The following PTDSS2 variants were observed in gnomAD, a reference collection of about 807,000 sequenced individuals.
PTDSS2 encodes PSS-2.
A neutral mutation model predicts 64.7 loss-of-function variants in PTDSS2; 41 were observed. The ratio of observed to expected loss-of-function variants is 0.63; its 90% CI spans 0.49 to 0.82. PTDSS2 has a LOEUF of 0.82. Ranked by LOEUF, PTDSS2 falls within the 40% of genes least tolerant of loss-of-function variation. The pLI is 0.00. For missense variants in PTDSS2, 485 were observed against 650.0 expected (o/e 0.75, Z 2.76); for synonymous variants, 297 against 277.8 (o/e 1.07, Z -0.69).
In PTDSS2 at chr11:487,505, G is replaced by A. The variant is rs369866668; in HGVS notation, c.621+35G>A. 2.6e-4 allele frequency: 415 copies of A among 1,601,396 alleles called. 5 individuals are homozygous for A. The highest frequency in any genetic ancestry group is 1.0e-3 in the South Asian group (91 of 90,868). ...CTCCTCTTCCCGGCCTCCCCGCCCCGGTTCTGAGGCCTGCCGTGGGCTCTG... is the reference window on the plus strand; with the variant it reads ...CTCCTCTTCCCGGCCTCCCCGCCCCAGTTCTGAGGCCTGCCGTGGGCTCTG... On this transcript the variant is annotated intron_variant, in intron 6 of 11. Coordinates refer to ENST00000308020, the MANE Select transcript of PTDSS2 (RefSeq NM_030783.3).
chr11:466,984 G>C (rs1261704821), intron 2 of PTDSS2, among the ~76,000 whole-genome samples: 1 of 152,056 alleles, frequency 6.6e-6, no homozygotes, highest in East Asian at 1.9e-4. Context: ...GAGCCCGGGA[G>C]GTCAAGGCTG....
At chr11:484,752 C>T (rs1338269360) in intron 4 of PTDSS2, among the ~76,000 whole-genome samples, 2 of 137,902 alleles carry the variant, frequency 1.5e-5, no homozygotes, top group African/African-American at 5.7e-5. Context: ...TGTGCGCAGG[C>T]GAGTGTAAGT....
chr11:490,669 C>T lies in PTDSS2; in HGVS notation c.*87C>T, dbSNP rs549691018. The T allele has an allele frequency of 6.1e-5, 83 of 1,369,292 alleles. No individual in the cohort carries two copies. Among genetic ancestry groups the T allele is most frequent in the Middle Eastern group, 2.6e-4 (1 of 3,912 alleles). 84.8% of individuals were successfully genotyped at this position (1,369,292 alleles called of 1,614,324 possible). Reference sequence around the variant, plus strand: ...TGAGTCCCACCAGGAGCCACGTGCCCGGCCTTGCCCTCAAGGTTTTTTGCT... The same window carrying T: ...TGAGTCCCACCAGGAGCCACGTGCCTGGCCTTGCCCTCAAGGTTTTTTGCT... On this transcript the variant is annotated 3_prime_UTR_variant, in exon 12 of 12. Coordinates refer to ENST00000308020, the MANE Select transcript of PTDSS2 (RefSeq NM_030783.3).
At position 461,757 on chromosome 11, in the gene PTDSS2, G is replaced by C. The variant is rs1436140991; in HGVS notation, c.284+1469G>C. 6.6e-6 allele frequency among the ~76,000 whole-genome samples: 1 copy of C among 152,126 alleles called. No individual in the cohort carries two copies. Among genetic ancestry groups the C allele is most frequent in the African/African-American group, 2.4e-5 (1 of 41,414 alleles). ...CTTAGGCAGTCCCAGCGGGGGTCAC[G>C]TGCAGAACCTGCAGGCCCGGTGTGC... is the stretch of plus-strand genomic sequence containing the variant. On this transcript the variant is annotated intron_variant, in intron 2 of 11. Coordinates refer to ENST00000308020, the MANE Select transcript of PTDSS2 (RefSeq NM_030783.3). This position sits in a 1 kb window ranked among gnomAD's most constrained non-coding sequence, Gnocchi z 4.2.
chr11:449,734 G>A (rs1590591455), upstream of PTDSS2, among the ~76,000 whole-genome samples: 1 of 152,230 alleles, frequency 6.6e-6, no homozygotes, highest in South Asian at 2.1e-4. Flanking sequence ...AGATCACAAG[G>A]TCAGGAGTTC....
rs1285138664 is a variant in PTDSS2 at position 490,776 on chromosome 11, G to GTACGTGTGTA, written c.*196_*205dup. The GTACGTGTGTA allele has an allele frequency of 4.9e-6, 3 of 615,486 alleles. No individual in the cohort carries two copies. The highest frequency in any genetic ancestry group is 8.5e-6 in the Non-Finnish European group (3 of 353,900). 38.1% of individuals were successfully genotyped at this position (615,486 alleles called of 1,614,324 possible). ...GCCTCATCTCCATGTGTACACGTGT[G>GTACGTGTGTA]TACGTGTGTATGCGTGTGTGTACGC... On this transcript the variant is annotated 3_prime_UTR_variant, in exon 12 of 12. Transcript: ENST00000308020.
chr11:460,298 C>T lies in PTDSS2; in HGVS notation c.284+10C>T. ...CCTACAACACCAAGAGGTAAGCTGC[C>T]CTCTTGTCCTGCCTTCTGAAACTGC... On this transcript the variant is annotated intron_variant, in intron 2 of 11. Coordinates refer to ENST00000308020, the MANE Select transcript of PTDSS2 (RefSeq NM_030783.3). The surrounding 1 kb of genome is among the most constrained non-coding windows in gnomAD (Gnocchi z 5.8). The T allele has an allele frequency of 6.2e-7, 1 of 1,609,764 alleles. No homozygotes were observed. Among genetic ancestry groups the T allele is most frequent in the Non-Finnish European group, 8.5e-7 (1 of 1,176,108 alleles).
chr11:487,521 G>T, intron 6 of PTDSS2, 51 bp downstream of exon 6: 1 of 1,540,374 alleles, frequency 6.5e-7, no homozygotes, highest in Non-Finnish European at 9.0e-7. Context: ...GAGGCCTGCC[G>T]TGGGCTCTGG....
intron 2 of PTDSS2, among the ~76,000 whole-genome samples, chr11:468,740 G>A (rs1473436549): frequency 6.6e-6 from 1 of 152,070 alleles, no homozygotes; most frequent in African/African-American, 2.4e-5. Flanking sequence ...AAGGAGGGGA[G>A]TCTCTGGGTA....
At chr11:452,526 C>T (rs958083130) in intron 1 of PTDSS2, among the ~76,000 whole-genome samples, 30 of 152,224 alleles carry the variant, frequency 2.0e-4, no homozygotes, top group African/African-American at 7.0e-4. Context: ...CGCAGCAGAG[C>T]TTGCCTGTCA....
chr11:463,252 G>C (rs1320831909), intron 2 of PTDSS2: 1 of 151,626 alleles, frequency 6.6e-6, no homozygotes, highest in Non-Finnish European at 1.5e-5. Flanking sequence ...TTTTGAGATG[G>C]AGTCTCGCTC....
At position 460,104 on chromosome 11, in the gene PTDSS2, G is replaced by A. The variant is rs767222567; in HGVS notation, c.183-83G>A. Reference sequence around the variant, plus strand: ...GAGTTTAAGCCCTCTCCTTGACGTAGAGAGGATTTGGGGCCTGTTACGTGA... The same window carrying A: ...GAGTTTAAGCCCTCTCCTTGACGTAAAGAGGATTTGGGGCCTGTTACGTGA... On this transcript the variant is annotated intron_variant, in intron 1 of 11. Transcript: ENST00000308020. The surrounding 1 kb of genome is among the most constrained non-coding windows in gnomAD (Gnocchi z 5.8). The A allele has an allele frequency of 3.7e-6, 4 of 1,075,230 alleles. No homozygotes were observed. The highest frequency in any genetic ancestry group is 5.7e-6 in the Non-Finnish European group (4 of 705,580). The allele number at this position is 1,075,230 out of a possible 1,614,324, so 66.6% of individuals were successfully genotyped here.
chr11:451,558 A>G (rs1383071617), intron 1 of PTDSS2: 2 of 248,358 alleles, frequency 8.1e-6, no homozygotes, highest in Non-Finnish European at 1.7e-5. Context: ...GGTCAGCCCC[A>G]GGAAAACGTG....
At position 490,544 on chromosome 11, in the gene PTDSS2, G is replaced by A. The variant is rs769092900; in HGVS notation, c.1426G>A (p.Gly476Arg). ...LGLDEDLLGP[G>R]VAEGEGAPTP... ...GCTGGACGAAGACCTGCTGGGGCCT[G>A]GGGTGGCCGAGGGCGAGGGAGCACC... is the stretch of plus-strand genomic sequence containing the variant. Residue 476 changes from glycine (G) to arginine (R), a missense_variant, in exon 12 of 12, where the codon GGG (glycine) becomes AGG (arginine). Transcript: ENST00000308020. 6.2e-7 allele frequency: 1 copy of A among 1,611,102 alleles called. No homozygotes were observed. Among genetic ancestry groups the A allele is most frequent in the South Asian group, 1.1e-5 (1 of 90,852 alleles).
intron 2 of PTDSS2, among the ~76,000 whole-genome samples, chr11:466,231 C>G (rs1396140052): frequency 6.6e-6 from 1 of 151,828 alleles, no homozygotes; most frequent in Non-Finnish European, 1.5e-5. Flanking sequence ...AAAGAAATAC[C>G]CAAGACTGGG....
intron 2 of PTDSS2, among the ~76,000 whole-genome samples, chr11:468,059 G>A (rs977570995): frequency 2.6e-5 from 4 of 152,126 alleles, no homozygotes; most frequent in African/African-American, 9.7e-5. Flanking sequence ...AGCCCGGAAG[G>A]CAGAGGTTGC....
At position 450,287 on chromosome 11, in the gene PTDSS2, C is replaced by T. The variant is rs1211328489; in HGVS notation, c.-169C>T. ...CGCGGACTACAAGCCCCACAATGCA[C>T]CGCACACCCTTTACTGGCCGGCCCC... On this transcript the variant is annotated 5_prime_UTR_variant, in exon 1 of 12. Transcript: ENST00000308020. 3 of 465,728 alleles carry T rather than the reference C, an allele frequency of 6.4e-6. No homozygotes were observed. Among genetic ancestry groups the T allele is most frequent in the East Asian group, 7.7e-5 (2 of 26,134 alleles). The allele number at this position is 465,728 out of a possible 1,614,324, so 28.8% of individuals were successfully genotyped here. A position where few individuals can be genotyped will look rare whatever the true frequency, so the allele number is the denominator to read the frequency against.
At chr11:487,166 GC>G in intron 5 of PTDSS2, 93 bp downstream of exon 5, 1 of 1,233,500 alleles carries the variant, frequency 8.1e-7, no homozygotes, top group Non-Finnish European at 1.2e-6. Flanking sequence ...GCACCCCTCA[GC>G]CCACACTTGG....
intron 2 of PTDSS2, among the ~76,000 whole-genome samples, chr11:468,020 C>T (rs1847220608): frequency 6.6e-6 from 1 of 152,100 alleles, no homozygotes; most frequent in South Asian, 2.1e-4. Context: ...CACATGGTCC[C>T]ACCTGTCAAG....
Sources: gnomAD v4.1 joint callset for allele counts (sites outside exome capture counted in the v4.1 genomes callset) on GRCh38, gnomAD v4.1.1 for gene constraint, Gnocchi (gnomAD v3.1) non-coding constraint, MANE v1.5 for transcripts, NCBI Gene and HGNC (gene_info 2026-07-23, HGNC 2026-07-21) for gene names.